Variants in HIBCH observed in about 807,000 individuals in gnomAD.
HIBCH encodes the protein 3-hydroxyisobutyryl-CoA hydrolase.
A neutral mutation model predicts 58.2 loss-of-function variants in HIBCH; 50 were observed. The observed-to-expected ratio is 0.86, with a 90% CI of 0.68 to 1.09. HIBCH has a LOEUF of 1.09. Among genes scored for constraint, HIBCH ranks in the 50% least tolerant of loss-of-function variants. The pLI is 0.00. For synonymous variants in HIBCH, 151 were observed against 146.9 expected (o/e 1.03, Z -0.20); for missense variants, 450 against 449.7 (o/e 1.00, Z -0.01).
rs761808310 is a variant in HIBCH, at chr2:190,287,581, C to G, written c.438+5G>C. On this transcript the variant is annotated splice_donor_5th_base_variant and intron_variant, in intron 6 of 13. Transcript: ENST00000359678. ...TACAATGATCAGAGTAAAAAGTCTACTTACCCCACCCATTGTAATTCCATG... is the reference window on the plus strand; with the variant it reads ...TACAATGATCAGAGTAAAAAGTCTAGTTACCCCACCCATTGTAATTCCATG... The G allele has an allele frequency of 6.3e-6, 10 of 1,595,802 alleles. No homozygotes were observed. In the South Asian group the frequency reaches 1.1e-4, roughly 18 times the overall value.
chr2:190,250,139 C>T, intron 8 of HIBCH: 1 of 314,866 alleles, frequency 3.2e-6, no homozygotes, highest in Non-Finnish European at 6.2e-6. Flanking sequence ...ACTTAATCTA[C>T]CCTACACTGA....
chr2:190,254,234 T>A lies in HIBCH; in HGVS notation c.518-1927A>T, dbSNP rs989778017. On this transcript the variant is annotated intron_variant, in intron 7 of 13. Coordinates refer to ENST00000359678, the MANE Select transcript of HIBCH (RefSeq NM_014362.4). This position sits in a 1 kb window ranked among gnomAD's most constrained non-coding sequence, Gnocchi z 5.0. ...AAGAGGTAATTAAGTTTAAGTGAGG[T>A]CATAAGGGTGGGGTCCTAATCCAAC... Among the ~76,000 whole-genome samples the A allele has an allele frequency of 9.9e-5, 15 of 151,990 alleles. No individual in the cohort carries two copies. The highest frequency in any genetic ancestry group is 3.6e-4 in the African/African-American group (15 of 41,378).
chr2:190,199,794 T>C (rs1575684932), downstream of HIBCH: 5 of 1,568,606 alleles, frequency 3.2e-6, no homozygotes, highest in Admixed American at 1.9e-5. Context: ...ACAAATTTCA[T>C]TGTTTTCTAA....
intron 2 of HIBCH, among the ~76,000 whole-genome samples, chr2:190,305,316 G>A (rs771584324): frequency 1.3e-5 from 2 of 152,086 alleles, no homozygotes; most frequent in Non-Finnish European, 2.9e-5. Context: ...AGTTCTGAAG[G>A]CTGCAAGTCT....
rs1210964979 is a variant in HIBCH at position 190,206,129 on chromosome 2, T to C, written c.1046-897A>G. 6.6e-6 allele frequency among the ~76,000 whole-genome samples: 1 copy of C among 152,198 alleles called. No homozygotes were observed. Among genetic ancestry groups the C allele is most frequent in the African/African-American group, 2.4e-5 (1 of 41,444 alleles). On this transcript the variant is annotated intron_variant, in intron 13 of 13. Transcript: ENST00000359678. The surrounding 1 kb of genome is among the most constrained non-coding windows in gnomAD (Gnocchi z 5.1). Reference sequence around the variant, plus strand: ...AAAACCTAATTTAGCATTTAAAGGCTAAAATAGTTAAAGAAGCAGTATGGG... The same window carrying C: ...AAAACCTAATTTAGCATTTAAAGGCCAAAATAGTTAAAGAAGCAGTATGGG...
At chr2:190,299,711 C>G (rs148354746) in intron 2 of HIBCH, among the ~76,000 whole-genome samples, 1 of 151,974 alleles carries the variant, frequency 6.6e-6, no homozygotes, top group African/African-American at 2.4e-5. Context: ...AGGGTACATG[C>G]GCAGGTTTGT....
chr2:190,243,658 G>A lies in HIBCH; in HGVS notation c.891+1229C>T, dbSNP rs1686516842. On this transcript the variant is annotated intron_variant, in intron 11 of 13. Coordinates refer to ENST00000359678, the MANE Select transcript of HIBCH (RefSeq NM_014362.4). This position sits in a 1 kb window ranked among gnomAD's most constrained non-coding sequence, Gnocchi z 4.1. ...AGATCCCATGGGAGAAATTAACTTT[G>A]GATTTCCCCCTTAAGAATACAGTAA... Among the ~76,000 whole-genome samples the A allele has an allele frequency of 6.6e-6, 1 of 152,040 alleles. No homozygotes were observed. Among genetic ancestry groups the A allele is most frequent in the Admixed American group, 6.6e-5 (1 of 15,250 alleles).
chr2:190,313,812 C>A (rs1247545337), intron 1 of HIBCH, among the ~76,000 whole-genome samples: 1 of 152,064 alleles, frequency 6.6e-6, no homozygotes, highest in African/African-American at 2.4e-5. Flanking sequence ...CATTAAAAAT[C>A]AACACTAACA....
chr2:190,269,342 A>C (rs1687325236), intron 6 of HIBCH, among the ~76,000 whole-genome samples: 2 of 152,214 alleles, frequency 1.3e-5, no homozygotes, highest in Non-Finnish European at 2.9e-5. Context: ...CATCTGACAA[A>C]GGTCTAATAT....
intron 6 of HIBCH, among the ~76,000 whole-genome samples, chr2:190,267,458 A>G (rs1687273600): frequency 6.6e-6 from 1 of 152,254 alleles, no homozygotes; most frequent in East Asian, 1.9e-4. Flanking sequence ...CGGCCTCCCA[A>G]AGTGCTGAGA....
In HIBCH at chr2:190,214,072, G is replaced by A. The variant is rs1156328668; in HGVS notation, c.892-997C>T. ...ATGGAGTTAAGACTCCAGCCGAGAA[G>A]GGAGACGCACCCCACTTGATTTATG... On this transcript the variant is annotated intron_variant, in intron 11 of 13. Coordinates refer to ENST00000359678, the MANE Select transcript of HIBCH (RefSeq NM_014362.4). The surrounding 1 kb of genome is among the most constrained non-coding windows in gnomAD (Gnocchi z 5.5). 2.0e-5 allele frequency: 3 copies of A among 152,190 alleles called. No individual in the cohort carries two copies. Among genetic ancestry groups the A allele is most frequent in the Non-Finnish European group, 4.4e-5 (3 of 68,066 alleles). The allele number at this position is 152,190 out of a possible 1,614,324, so 9.4% of individuals were successfully genotyped here. A position where few individuals can be genotyped will look rare whatever the true frequency, so the allele number is the denominator to read the frequency against.
Position 190,217,258 on chromosome 2 carries a change from T to G in HIBCH, c.892-4183A>C, listed in dbSNP as rs544747733. ...CAACACTTTCTGAGACTGAGGCAGGTGGATCACCTGAGGTCAAGAGTTCAA... is the reference window on the plus strand; with the variant it reads ...CAACACTTTCTGAGACTGAGGCAGGGGGATCACCTGAGGTCAAGAGTTCAA... On this transcript the variant is annotated intron_variant, in intron 11 of 13. Coordinates refer to ENST00000359678, the MANE Select transcript of HIBCH (RefSeq NM_014362.4). This position sits in a 1 kb window ranked among gnomAD's most constrained non-coding sequence, Gnocchi z 4.6. Among the ~76,000 whole-genome samples the G allele has an allele frequency of 3.3e-5, 5 of 152,220 alleles. No homozygotes were observed. Among genetic ancestry groups the G allele is most frequent in the Admixed American group, 1.3e-4 (2 of 15,308 alleles).
At chr2:190,255,668 C>T (rs778172461) in intron 7 of HIBCH, among the ~76,000 whole-genome samples, 4 of 152,270 alleles carry the variant, frequency 2.6e-5, no homozygotes, top group Non-Finnish European at 4.4e-5. Flanking sequence ...TGAGTGAATT[C>T]CCAGGCCCAG....
chr2:190,293,847 T>C (rs1688021501), intron 4 of HIBCH, among the ~76,000 whole-genome samples: 1 of 151,816 alleles, frequency 6.6e-6, no homozygotes, highest in Admixed American at 6.6e-5. Context: ...AATAAATACA[T>C]GACACTGATG....
At chr2:190,231,850 C>T (rs1234363142) in intron 11 of HIBCH, among the ~76,000 whole-genome samples, 1 of 151,896 alleles carries the variant, frequency 6.6e-6, no homozygotes, top group African/African-American at 2.4e-5. Context: ...AAATAACTCA[C>T]TTAAAAAAAA....
At chr2:190,296,225 C>A (rs1004838272) in intron 3 of HIBCH, among the ~76,000 whole-genome samples, 4 of 152,134 alleles carry the variant, frequency 2.6e-5, no homozygotes, top group Non-Finnish European at 5.9e-5. Flanking sequence ...TCAAGACCAT[C>A]CTGGCTAACA....
chr2:190,272,015 T>C (rs1687414854), intron 6 of HIBCH, among the ~76,000 whole-genome samples: 1 of 152,206 alleles, frequency 6.6e-6, no homozygotes, highest in Admixed American at 6.5e-5. Flanking sequence ...CATCGCATTC[T>C]TTTACTACTC....
At chr2:190,295,088 TTATAA>T (rs1474655601) in intron 3 of HIBCH, among the ~76,000 whole-genome samples, 7 of 152,196 alleles carry the variant, frequency 4.6e-5, no homozygotes, top group African/African-American at 1.7e-4. Context: ...GTGAAACCAC[TTATAA>T]TATAAAAAAT....
At chr2:190,298,460 G>GT (rs1014747379) in intron 2 of HIBCH, among the ~76,000 whole-genome samples, 1 of 152,082 alleles carries the variant, frequency 6.6e-6, no homozygotes, top group Non-Finnish European at 1.5e-5. Flanking sequence ...GCGTGAGATG[G>GT]TATCTCATTG....
Sources: gnomAD v4.1 joint callset for allele counts (sites outside exome capture counted in the v4.1 genomes callset) on GRCh38, gnomAD v4.1.1 for gene constraint, Gnocchi (gnomAD v3.1) non-coding constraint, MANE v1.5 for transcripts, NCBI Gene and HGNC (gene_info 2026-07-23, HGNC 2026-07-21) for gene names.